Variants in VWA3B observed in about 807,000 individuals in gnomAD.
VWA3B encodes the protein von Willebrand factor A domain-containing protein 3B.
A neutral mutation model predicts 158.3 loss-of-function variants in VWA3B; 138 were observed. The observed-to-expected ratio is 0.87, with a 90% CI of 0.76 to 1.00. VWA3B has a LOEUF of 1.00. Among genes scored for constraint, VWA3B ranks in the 50% least tolerant of loss-of-function variants. The probability of loss-of-function intolerance (pLI) is 0.00; values close to 1 mark genes in which losing one functional copy is unlikely to be tolerated. For missense variants in VWA3B, 1,555 were observed against 1,565.1 expected, an observed-to-expected ratio of 0.99 and a Z score of 0.11; for synonymous variants, 596 against 587.3, an observed-to-expected ratio of 1.01 and a Z score of -0.21.
In VWA3B at chr2:98,162,976, G is replaced by A. The variant is rs62154921; in HGVS notation, c.1114G>A (p.Glu372Lys). ...PKPDVATVDC[E>K]SETTSVEIAS... is the part of the protein sequence containing the mutation. Reference sequence around the variant, plus strand: ...GCCCGACGTGGCCACTGTGGACTGCGGTTGGTGCTATTTCTGGTCACTGGT... The same window carrying A: ...GCCCGACGTGGCCACTGTGGACTGCAGTTGGTGCTATTTCTGGTCACTGGT... The change falls in exon 8 of 28, where the codon GAG becomes AAG. Residue 372 changes from glutamate to lysine, a missense_variant and splice_region_variant. Glu to Lys is a moderately conservative substitution (Grantham distance 56, BLOSUM62 1). Coordinates refer to ENST00000477737, the MANE Select transcript of VWA3B (RefSeq NM_144992.5). The A allele has an allele frequency of 3.4e-5, 55 of 1,613,900 alleles. No homozygotes were observed. The highest frequency in any genetic ancestry group is 5.3e-5 in the African/African-American group (4 of 74,922).
intron 8 of VWA3B, among the ~76,000 whole-genome samples, chr2:98,169,279 CA>C (rs1679374504): frequency 6.6e-6 from 1 of 152,032 alleles, no homozygotes; most frequent in Non-Finnish European, 1.5e-5. Flanking sequence ...TTCAGACATA[CA>C]AAAGCTGAAA....
intron 5 of VWA3B, among the ~76,000 whole-genome samples, chr2:98,127,863 C>G (rs1194312069): frequency 6.6e-6 from 1 of 152,174 alleles, no homozygotes; most frequent in African/African-American, 2.4e-5. Flanking sequence ...CTGGCACTGC[C>G]GCGGGCAATG....
intron 22 of VWA3B, among the ~76,000 whole-genome samples, chr2:98,272,571 G>C (rs1688268054): frequency 6.6e-6 from 1 of 152,104 alleles, no homozygotes; most frequent in Non-Finnish European, 1.5e-5. Flanking sequence ...GGAGGTTGGG[G>C]GTTGGCGCTG....
In VWA3B at chr2:98,087,276, C is replaced by T. The variant is rs921807100; in HGVS notation, c.-120C>T. 7.9e-5 allele frequency: 12 copies of T among 152,240 alleles called. No homozygotes were observed. The highest frequency in any genetic ancestry group is 2.9e-4 in the African/African-American group (12 of 41,440). The allele number at this position is 152,240 out of a possible 1,614,324, so 9.4% of individuals were successfully genotyped here. A position where few individuals can be genotyped will look rare whatever the true frequency, so the allele number is the denominator to read the frequency against. On this transcript the variant is annotated 5_prime_UTR_variant, in exon 1 of 28. Coordinates refer to ENST00000477737, the MANE Select transcript of VWA3B (RefSeq NM_144992.5). ...TCCACCAGCGGGATGCTTACCTCGC[C>T]CGCCCTCTCGGGTCAGGCGGGCCCG...
intron 22 of VWA3B, among the ~76,000 whole-genome samples, chr2:98,276,674 A>G (rs374980844): frequency 2.0e-5 from 3 of 147,836 alleles, no homozygotes; most frequent in East Asian, 3.9e-4. Flanking sequence ...TGGGCTGCCC[A>G]TGTGTGTCCA....
At chr2:98,173,081 A>G (rs1207212463) in intron 8 of VWA3B, among the ~76,000 whole-genome samples, 1 of 152,216 alleles carries the variant, frequency 6.6e-6, no homozygotes, top group East Asian at 1.9e-4. Flanking sequence ...TACCAACAGG[A>G]TGACTTGCAA....
At chr2:98,291,284 G>A (rs1405528391) in intron 23 of VWA3B, 1 of 152,312 alleles carries the variant, frequency 6.6e-6, no homozygotes, top group Non-Finnish European at 1.5e-5. Flanking sequence ...GGGCCTCAGA[G>A]GTTTGCCCCA....
chr2:98,173,081 A>C (rs1207212463), intron 8 of VWA3B, among the ~76,000 whole-genome samples: 1 of 152,216 alleles, frequency 6.6e-6, no homozygotes, highest in African/African-American at 2.4e-5. Flanking sequence ...TACCAACAGG[A>C]TGACTTGCAA....
At chr2:98,241,060 G>C (rs952255895) in intron 19 of VWA3B, among the ~76,000 whole-genome samples, 1 of 152,112 alleles carries the variant, frequency 6.6e-6, no homozygotes, top group Admixed American at 6.5e-5. Context: ...TAAATGTGAC[G>C]AGTGGGAAGT....
intron 26 of VWA3B, among the ~76,000 whole-genome samples, chr2:98,305,583 C>T (rs942598659): frequency 2.6e-5 from 4 of 152,136 alleles, no homozygotes; most frequent in Non-Finnish European, 5.9e-5. Flanking sequence ...AAAAATTCAG[C>T]ACATCTAAAA....
In VWA3B at chr2:98,147,255, A is replaced by G. The variant is rs539448150; in HGVS notation, c.988+13316A>G. ...GAAGTGTTGCTTGGTGCATGCATACATTATCTCATTAGTATGAGGCTGGGG... is the reference window on the plus strand; with the variant it reads ...GAAGTGTTGCTTGGTGCATGCATACGTTATCTCATTAGTATGAGGCTGGGG... On this transcript the variant is annotated intron_variant, in intron 7 of 27. Coordinates refer to ENST00000477737, the MANE Select transcript of VWA3B (RefSeq NM_144992.5). Among the ~76,000 whole-genome samples, 7 of 152,278 alleles carry G rather than the reference A, an allele frequency of 4.6e-5. No homozygotes were observed. In the South Asian group the frequency reaches 6.2e-4, roughly 14 times the overall value.
intron 8 of VWA3B, among the ~76,000 whole-genome samples, chr2:98,170,657 A>C (rs1012601642): frequency 1.3e-5 from 2 of 150,602 alleles, no homozygotes. Flanking sequence ...ACCAGGCTGG[A>C]GTGCAGTGAT....
chr2:98,186,656 T>G (rs1421028949), intron 9 of VWA3B, among the ~76,000 whole-genome samples: 1 of 151,694 alleles, frequency 6.6e-6, no homozygotes, highest in African/African-American at 2.4e-5. Flanking sequence ...CGGTTCTGTT[T>G]TCAGAACGTG....
At chr2:98,203,854 G>A (rs1409257317) in intron 12 of VWA3B, among the ~76,000 whole-genome samples, 1 of 152,142 alleles carries the variant, frequency 6.6e-6, no homozygotes, top group Non-Finnish European at 1.5e-5. Context: ...TGCAAGTTCT[G>A]TGTCTGTGGA....
At chr2:98,304,637 ATCAGTGT>A (rs1690403806) in intron 26 of VWA3B, among the ~76,000 whole-genome samples, 1 of 152,146 alleles carries the variant, frequency 6.6e-6, no homozygotes. Flanking sequence ...ATGTCAAAGA[ATCAGTGT>A]CCTTCCTTTC....
chr2:98,237,048 C>T (rs2105739100), intron 19 of VWA3B, among the ~76,000 whole-genome samples: 1 of 152,276 alleles, frequency 6.6e-6, no homozygotes, highest in African/African-American at 2.4e-5. Flanking sequence ...TGGTGGCATG[C>T]ACCTGTAGCC....
intron 13 of VWA3B, among the ~76,000 whole-genome samples, chr2:98,215,189 C>A (rs1294546853): frequency 1.3e-5 from 2 of 152,046 alleles, no homozygotes; most frequent in Admixed American, 6.5e-5. Context: ...TGCCTGTAAT[C>A]CCAGCACTTT....
intron 22 of VWA3B, among the ~76,000 whole-genome samples, chr2:98,276,286 C>T (rs1052572735): frequency 1.3e-5 from 2 of 152,102 alleles, no homozygotes; most frequent in Admixed American, 6.5e-5. Context: ...TGTCACACCC[C>T]GCAGATTCGA....
At chr2:98,209,948 C>T (rs1683367703) in intron 12 of VWA3B, among the ~76,000 whole-genome samples, 1 of 152,138 alleles carries the variant, frequency 6.6e-6, no homozygotes, top group Non-Finnish European at 1.5e-5. Flanking sequence ...TTCCCTGAGC[C>T]ATCTTGTGCT....
Sources: gnomAD v4.1 joint callset for allele counts (sites outside exome capture counted in the v4.1 genomes callset) on GRCh38, gnomAD v4.1.1 for gene constraint, MANE v1.5 for transcripts, NCBI Gene and HGNC (gene_info 2026-07-23, HGNC 2026-07-21) for gene names.